The following CLINT1 variants were observed in gnomAD, a reference collection of about 807,000 sequenced individuals.
The protein encoded by CLINT1 is clathrin interacting protein localized in the trans-Golgi region.
In CLINT1, 15 loss-of-function variants were observed where a neutral mutation model predicts 70.4. That is an observed-to-expected ratio of 0.21 (90% CI 0.14 to 0.33). CLINT1 has a LOEUF of 0.33. CLINT1 is among the 10% of genes least tolerant of loss of function. The probability of loss-of-function intolerance (pLI) is 1.00; values close to 1 mark genes in which losing one functional copy is unlikely to be tolerated. For missense variants in CLINT1, 615 were observed against 778.1 expected (o/e 0.79, Z 2.49); for synonymous variants, 227 against 254.7 (o/e 0.89, Z 1.04).
In CLINT1 at chr5:157,794,931, A is replaced by G. The variant is rs1490397550; in HGVS notation, c.1054T>C (p.Ser352Pro). The G allele has an allele frequency of 1.9e-6, 3 of 1,557,478 alleles. No individual in the cohort carries two copies. Among genetic ancestry groups the G allele is most frequent in the Non-Finnish European group, 2.6e-6 (3 of 1,149,988 alleles). ...GGGAAACTGCCTGATGCAGCAGCTG[A>G]GCCAAAGTCAGCAAATCCTCCGAAT... ...DLFGGFADFGSAAASGSFPSQ... is the reference protein window; with the variant it reads ...DLFGGFADFGPAAASGSFPSQ... Residue 352 changes from serine to proline, a missense_variant, in exon 9 of 12, where the codon TCA becomes CCA. This residue lies in a region of CLINT1 where 374 missense variants were observed against 409.6 expected (regional missense o/e 0.91). Coordinates refer to ENST00000411809, the MANE Select transcript of CLINT1 (RefSeq NM_014666.4).
rs140974503 is a variant in CLINT1 at position 157,818,739 on chromosome 5, C to T, written c.42-1192G>A. On this transcript the variant is annotated intron_variant, in intron 1 of 11. Coordinates refer to ENST00000411809, the MANE Select transcript of CLINT1 (RefSeq NM_014666.4). The stretch of plus-strand genomic sequence containing the variant: ...TATTTTTATATGAAAGAATTCACTT[C>T]GGAAAAAATCAGATTAAGACATGAG... Among the ~76,000 whole-genome samples the T allele has an allele frequency of 2.2e-3, 341 of 152,056 alleles. 2 individuals are homozygous for T. In the Middle Eastern group the frequency reaches 0.024, roughly 11 times the overall value.
At chr5:157,802,539 T>C (rs1762256377) in intron 8 of CLINT1, among the ~76,000 whole-genome samples, 1 of 145,274 alleles carries the variant, frequency 6.9e-6, no homozygotes, top group Non-Finnish European at 1.5e-5. Context: ...GCTGTAGCCC[T>C]CTCTTTTTTT....
chr5:157,855,388 A>AC (rs1753726358), intron 1 of CLINT1, among the ~76,000 whole-genome samples: 1 of 152,172 alleles, frequency 6.6e-6, no homozygotes, highest in Non-Finnish European at 1.5e-5. Flanking sequence ...TATTACAGCC[A>AC]CAAGTAAAGA....
chr5:157,809,684 A>T lies in CLINT1; in HGVS notation c.639T>A (p.Asp213Glu). 1 of 1,613,414 alleles carries T rather than the reference A, an allele frequency of 6.2e-7. No individual in the cohort carries two copies. Among genetic ancestry groups the T allele is most frequent in the Non-Finnish European group, 8.5e-7 (1 of 1,179,644 alleles). The change falls in exon 6 of 12, where the codon GAT becomes GAA. Residue 213 changes from aspartate to glutamate, a missense_variant. Transcript: ENST00000411809. ...ELSDKIGSTI[D>E]DTISKFRRKD... ...TCCTCCGGAACTTGCTGATGGTGTCATCAATTGTGCTTCCAATTTTATCAC... is the reference window on the plus strand; with the variant it reads ...TCCTCCGGAACTTGCTGATGGTGTCTTCAATTGTGCTTCCAATTTTATCAC...
intron 1 of CLINT1, among the ~76,000 whole-genome samples, chr5:157,837,098 CTTCT>C (rs1275868154): frequency 6.6e-6 from 1 of 152,164 alleles, no homozygotes; most frequent in Non-Finnish European, 1.5e-5. Context: ...TAATTTGAGT[CTTCT>C]TTATCAGCGA....
chr5:157,842,481 G>C (rs1001479237), intron 1 of CLINT1, among the ~76,000 whole-genome samples: 3 of 152,160 alleles, frequency 2.0e-5, no homozygotes, highest in Non-Finnish European at 4.4e-5. Context: ...AATTGTTCTA[G>C]TTAATGACAG....
rs193210455 is a variant in CLINT1, at chr5:157,850,028, C to T, written c.41+8902G>A. Among the ~76,000 whole-genome samples the T allele has an allele frequency of 3.3e-5, 5 of 152,162 alleles. No individual in the cohort carries two copies. In the East Asian group the frequency reaches 9.6e-4, roughly 29 times the overall value. On this transcript the variant is annotated intron_variant, in intron 1 of 11. Transcript: ENST00000411809. ...AAAAAAATAGTGACGAGTGTGAGTG[C>T]ATACTATGTAATACAGGAGGTCCAC...
chr5:157,808,365 G>A (rs539446293), intron 6 of CLINT1, among the ~76,000 whole-genome samples: 3 of 151,946 alleles, frequency 2.0e-5, no homozygotes, highest in East Asian at 1.9e-4. Flanking sequence ...GATTTTTGGC[G>A]CAGGGTAAAG....
chr5:157,788,285 G>A (rs1317574534), intron 11 of CLINT1, among the ~76,000 whole-genome samples: 1 of 152,124 alleles, frequency 6.6e-6, no homozygotes, highest in East Asian at 1.9e-4. Flanking sequence ...TACTTAACAA[G>A]TTGTCAAGAG....
chr5:157,836,464 C>T (rs1763427268), intron 1 of CLINT1, among the ~76,000 whole-genome samples: 1 of 152,188 alleles, frequency 6.6e-6, no homozygotes, highest in African/African-American at 2.4e-5. Context: ...TACTCTTGTT[C>T]TCCCTTCCAA....
Position 157,787,956 on chromosome 5 carries a change from A to G in CLINT1, c.1568T>C (p.Phe523Ser). 6.2e-7 allele frequency: 1 copy of G among 1,611,808 alleles called. No homozygotes were observed. Among genetic ancestry groups the G allele is most frequent in the Non-Finnish European group, 8.5e-7 (1 of 1,178,822 alleles). ...TGGAGAACTGAGGTTCACAGCTCCA[A>G]AACTTTGAGTCATCACATTCATAGG... ...QQPMNVMTQS[F>S]GAVNLSSPSN... is the part of the protein sequence containing the mutation. Residue 523 changes from phenylalanine to serine, a missense_variant, in exon 12 of 12, where the codon TTT becomes TCT. Coordinates refer to ENST00000411809, the MANE Select transcript of CLINT1 (RefSeq NM_014666.4).
chr5:157,816,926 T>A, intron 2 of CLINT1, 96 bp from the exon 3 acceptor site: 1 of 813,246 alleles, frequency 1.2e-6, no homozygotes, highest in Non-Finnish European at 1.9e-6. Context: ...GAAGAGTTTT[T>A]AAAAATTAAT....
chr5:157,839,869 GCAGT>G (rs1180929241), intron 1 of CLINT1, among the ~76,000 whole-genome samples: 1 of 151,996 alleles, frequency 6.6e-6, no homozygotes, highest in Non-Finnish European at 1.5e-5. Context: ...CAGGGCTGAA[GCAGT>G]CAAAGTTTCA....
At chr5:157,809,539 C>G in intron 6 of CLINT1, 89 bp downstream of exon 6, 2 of 1,111,742 alleles carry the variant, frequency 1.8e-6, no homozygotes, top group Non-Finnish European at 2.5e-6. Context: ...ATGTTAATAC[C>G]CCAAACAAAA....
chr5:157,791,162 CA>C (rs1761891355), intron 10 of CLINT1, among the ~76,000 whole-genome samples: 4 of 152,032 alleles, frequency 2.6e-5, no homozygotes, highest in African/African-American at 7.2e-5. Flanking sequence ...GGGTTCACGC[CA>C]TTCTCCTGAC....
intron 1 of CLINT1, among the ~76,000 whole-genome samples, chr5:157,854,996 T>C (rs537026038): frequency 1.3e-5 from 2 of 151,804 alleles, no homozygotes; most frequent in East Asian, 1.9e-4. Flanking sequence ...ATACAAAAAT[T>C]AGCCAGGCAT....
intron 8 of CLINT1, among the ~76,000 whole-genome samples, chr5:157,797,467 C>A (rs929285414): frequency 1.3e-5 from 2 of 152,156 alleles, no homozygotes; most frequent in East Asian, 1.9e-4. Flanking sequence ...CTCACTGCAA[C>A]CTCCGCCTGC....
chr5:157,797,362 A>C (rs1009489670), intron 8 of CLINT1, among the ~76,000 whole-genome samples: 11 of 152,136 alleles, frequency 7.2e-5, no homozygotes, highest in Non-Finnish European at 1.6e-4. Context: ...ATAGCAAACA[A>C]GTTAGGAGTT....
At chr5:157,804,595 T>C (rs557409936) in intron 7 of CLINT1, among the ~76,000 whole-genome samples, 2 of 152,228 alleles carry the variant, frequency 1.3e-5, no homozygotes, top group East Asian at 3.9e-4. Context: ...TAGACATTTT[T>C]TTTGAGGGGA....
Sources: allele counts gnomAD v4.1 joint callset (sites outside exome capture counted in the v4.1 genomes callset), GRCh38; gene constraint gnomAD v4.1.1; regional missense constraint gnomAD v4.1.1; transcripts MANE v1.5; gene names NCBI Gene and HGNC (gene_info 2026-07-23, HGNC 2026-07-21).